The following PUM2 variants were observed in gnomAD, a reference collection of about 807,000 sequenced individuals.
The protein encoded by PUM2 is pumilio RNA binding family member 2, also known as pumilio homolog 2.
PUM2 carries 57 observed loss-of-function variants against 124.5 expected under a neutral mutation model. That is an observed-to-expected ratio of 0.46 (90% CI 0.37 to 0.57). The LOEUF (loss-of-function observed/expected upper bound fraction) is 0.57, where lower values mean the gene tolerates loss of function less well. Ranked by LOEUF, PUM2 falls within the 20% of genes least tolerant of loss-of-function variation. PUM2 has a pLI of 0.00. For synonymous variants in PUM2, 460 were observed against 446.1 expected (o/e 1.03, Z -0.39); for missense variants, 1,065 against 1,290.6 (o/e 0.83, Z 2.68).
At position 20,260,308 on chromosome 2, in the gene PUM2, C is replaced by A. The variant is rs774632373; in HGVS notation, c.2355+29G>T. ...ATCAAGTATACAACAGCTGGATGGG[C>A]GGATATACAAATATGCATGAATCCT... On this transcript the variant is annotated intron_variant, in intron 15 of 20. Coordinates refer to ENST00000361078, the MANE Select transcript of PUM2 (RefSeq NM_015317.5). The A allele has an allele frequency of 4.7e-5, 74 of 1,580,980 alleles. No homozygotes were observed. In the East Asian group the frequency reaches 1.5e-3, roughly 31 times the overall value.
Position 20,278,719 on chromosome 2 carries a change from T to C in PUM2, c.1821A>G (p.Gln607=), listed in dbSNP as rs771525600. 6.2e-7 allele frequency: 1 copy of C among 1,613,656 alleles called. No individual in the cohort carries two copies. The highest frequency in any genetic ancestry group is 8.5e-7 in the Non-Finnish European group (1 of 1,179,724). Residue 607 remains glutamine, a synonymous_variant, in exon 13 of 21, where the codon CAA becomes CAG. Transcript: ENST00000361078. ...AAAATCCCAGACTATTGTAAAATGGTTGCCCTATGGGTGCTAGGCTGCTAC... is the reference window on the plus strand; with the variant it reads ...AAAATCCCAGACTATTGTAAAATGGCTGCCCTATGGGTGCTAGGCTGCTAC... ...RSSSSLAPIG[Q]PFYNSLGFSS...
intron 1 of PUM2, among the ~76,000 whole-genome samples, chr2:20,336,792 GT>G (rs1558676385): frequency 7.0e-5 from 8 of 113,550 alleles, no homozygotes; most frequent in African/African-American, 2.5e-4. Flanking sequence ...GTGTGTGTGT[GT>G]GTGTGTGTGG....
intron 17 of PUM2, among the ~76,000 whole-genome samples, chr2:20,255,584 C>A (rs1487046353): frequency 6.6e-6 from 1 of 151,918 alleles, no homozygotes. Flanking sequence ...CAGAACTTTA[C>A]CTGAACCTGA....
At chr2:20,310,448 T>C (rs1572857968) in intron 5 of PUM2, among the ~76,000 whole-genome samples, 1 of 152,188 alleles carries the variant, frequency 6.6e-6, no homozygotes, top group South Asian at 2.1e-4. Flanking sequence ...ATTATAAATG[T>C]ATACTCTGAA....
intron 5 of PUM2, among the ~76,000 whole-genome samples, chr2:20,309,429 T>TA (rs781176010): frequency 2.7e-3 from 373 of 139,754 alleles, no homozygotes; most frequent in Middle Eastern, 3.7e-3. Context: ...CTTTCTACAT[T>TA]AAAAAAAAAA....
chr2:20,350,848 C>A (rs1301060337), upstream of PUM2: 2 of 962,824 alleles, frequency 2.1e-6, no homozygotes, highest in Non-Finnish European at 2.5e-6. Context: ...CTCCCCTCCC[C>A]CCCGCCCACC....
chr2:20,333,645 G>A (rs1298234375), intron 1 of PUM2, among the ~76,000 whole-genome samples: 1 of 152,154 alleles, frequency 6.6e-6, no homozygotes, highest in African/African-American at 2.4e-5. Context: ...AGGCATGATG[G>A]TTCACGCCTG....
intron 7 of PUM2, among the ~76,000 whole-genome samples, chr2:20,305,448 T>G (rs183422269): frequency 6.5e-4 from 64 of 99,106 alleles, no homozygotes; most frequent in Admixed American, 1.5e-3. Context: ...GGTGACAGAG[T>G]AAGACCCTGT....
chr2:20,272,154 CAAAT>C (rs1183317730), intron 13 of PUM2, among the ~76,000 whole-genome samples: 34 of 110,696 alleles, frequency 3.1e-4, no homozygotes, highest in Non-Finnish European at 5.6e-4. Context: ...AAGACTTCGT[CAAAT>C]GAATGAATGA....
chr2:20,322,042 CT>C (rs1682506432), intron 2 of PUM2, among the ~76,000 whole-genome samples: 1 of 151,964 alleles, frequency 6.6e-6, no homozygotes, highest in South Asian at 2.1e-4. Context: ...ATACTTCAGA[CT>C]TTTTAAATTG....
intron 1 of PUM2, among the ~76,000 whole-genome samples, chr2:20,337,168 CA>C (rs144728036): frequency 4.1e-5 from 6 of 146,344 alleles, no homozygotes; most frequent in South Asian, 2.2e-4. Context: ...GCCTAAATGT[CA>C]AAAAAAAAAC....
At chr2:20,337,944 C>G (rs75793131) in intron 1 of PUM2, among the ~76,000 whole-genome samples, 1 of 152,120 alleles carries the variant, frequency 6.6e-6, no homozygotes, top group Non-Finnish European at 1.5e-5. Flanking sequence ...GTCAATACTG[C>G]ATCATTACTT....
At chr2:20,263,737 T>C (rs1294025241) in intron 13 of PUM2, among the ~76,000 whole-genome samples, 2 of 152,162 alleles carry the variant, frequency 1.3e-5, no homozygotes, top group African/African-American at 4.8e-5. Flanking sequence ...TAGTGTCATA[T>C]GCACTCATAA....
intron 1 of PUM2, among the ~76,000 whole-genome samples, chr2:20,335,271 G>A (rs57141481): frequency 0.074 from 11,274 of 152,200 alleles, 460 homozygotes; most frequent in Non-Finnish European, 0.089. Context: ...TGGTATCTAC[G>A]GCAAACAAAC....
At chr2:20,299,696 G>C (rs1442458500) in intron 7 of PUM2, among the ~76,000 whole-genome samples, 1 of 152,046 alleles carries the variant, frequency 6.6e-6, no homozygotes, top group Non-Finnish European at 1.5e-5. Context: ...CATGGTTTTA[G>C]AGAGTTTTCC....
chr2:20,307,927 C>A, intron 7 of PUM2, 51 bp downstream of exon 7: 1 of 1,582,488 alleles, frequency 6.3e-7, no homozygotes, highest in Non-Finnish European at 8.6e-7. Flanking sequence ...GTGAAACATC[C>A]TAGACATTTT....
At chr2:20,333,794 C>G (rs934845223) in intron 1 of PUM2, among the ~76,000 whole-genome samples, 7 of 152,102 alleles carry the variant, frequency 4.6e-5, no homozygotes, top group African/African-American at 1.7e-4. Context: ...AAAACGTAAA[C>G]CCCAGTGTTA....
chr2:20,331,312 A>T (rs906373922), intron 1 of PUM2, among the ~76,000 whole-genome samples: 1 of 152,196 alleles, frequency 6.6e-6, no homozygotes, highest in Admixed American at 6.5e-5. Flanking sequence ...TTAAAGATGG[A>T]CCTAACTCTC....
At chr2:20,255,460 G>C (rs1449658152) in intron 17 of PUM2, 119 bp from the exon 18 acceptor site, 7 of 1,007,694 alleles carry the variant, frequency 6.9e-6, no homozygotes, top group Middle Eastern at 2.3e-4. Context: ...TGAAATAGAA[G>C]GGTGATGAAC....
Sources: allele counts gnomAD v4.1 joint callset (sites outside exome capture counted in the v4.1 genomes callset), GRCh38; gene constraint gnomAD v4.1.1; transcripts MANE v1.5; gene names NCBI Gene and HGNC (gene_info 2026-07-23, HGNC 2026-07-21).